CFAP300: variants seen among roughly 807,000 people sequenced by gnomAD.
The protein encoded by CFAP300 is cilia- and flagella-associated protein 300.
In CFAP300, 32 loss-of-function variants were observed where a neutral mutation model predicts 33.0. That is an observed-to-expected ratio of 0.97 (90% CI 0.73 to 1.30). The LOEUF (loss-of-function observed/expected upper bound fraction) is 1.30, where lower values mean the gene tolerates loss of function less well. Among genes scored for constraint, CFAP300 ranks in the 50% most tolerant of loss-of-function variants. The pLI is 0.00. For missense variants in CFAP300, 356 were observed against 318.1 expected, an observed-to-expected ratio of 1.12 and a Z score of -0.90; for synonymous variants, 102 against 106.8, an observed-to-expected ratio of 0.95 and a Z score of 0.28.
intron 4 of CFAP300, 85 bp from the exon 5 acceptor site, chr11:102,075,787 AT>A (rs1334942317): frequency 2.9e-5 from 31 of 1,062,956 alleles, no homozygotes; most frequent in Non-Finnish European, 4.2e-5. Flanking sequence ...GTGTAAGATT[AT>A]TTTTAAGTCT....
At position 102,058,879 on chromosome 11, in the gene CFAP300, G is replaced by T; in HGVS notation, c.193-1G>T. 1 of 1,553,554 alleles carries T rather than the reference G, an allele frequency of 6.4e-7. No homozygotes were observed. The highest frequency in any genetic ancestry group is 1.2e-5 in the South Asian group (1 of 81,026). On this transcript the variant is annotated splice_acceptor_variant, in intron 2 of 6. Transcript: ENST00000434758. LOFTEE classifies it high-confidence loss of function. ...TTATTCCCCTCAAATTTGTATTTTA[G>T]GCTTTTTTCAAAGACCCAAATGTTA...
intron 3 of CFAP300, among the ~76,000 whole-genome samples, chr11:102,063,434 A>G (rs1942180098): frequency 6.6e-6 from 1 of 152,176 alleles, no homozygotes; most frequent in South Asian, 2.1e-4. Context: ...GCTGGAGAGG[A>G]ATTTTGCCTT....
chr11:102,082,873 T>C (rs539522024), intron 6 of CFAP300, among the ~76,000 whole-genome samples, 198 bp from the exon 7 acceptor site: 35 of 152,230 alleles, frequency 2.3e-4, no homozygotes, highest in African/African-American at 7.9e-4. Context: ...GGCACATGCC[T>C]GTAATCCCAG....
chr11:102,052,198 G>T (rs916335173), intron 2 of CFAP300, among the ~76,000 whole-genome samples: 4 of 152,098 alleles, frequency 2.6e-5, no homozygotes, highest in African/African-American at 9.7e-5. Context: ...TTGACCTGCT[G>T]CTCCATTTAT....
In CFAP300 at chr11:102,047,441, G is replaced by T. The variant is rs781589555; in HGVS notation, c.-30G>T. On this transcript the variant is annotated 5_prime_UTR_variant, in exon 1 of 7. Coordinates refer to ENST00000434758, the MANE Select transcript of CFAP300 (RefSeq NM_032930.3). ...ACGGCCGCCGCGTCTCCATGGAAAC[G>T]GCCCAGGCATCCACCCAGCCGAGAG... 6.6e-7 allele frequency: 1 copy of T among 1,516,294 alleles called. No individual in the cohort carries two copies. The highest frequency in any genetic ancestry group is 1.7e-4 in the Middle Eastern group (1 of 5,852). The allele number at this position is 1,516,294 out of a possible 1,614,324, so 93.9% of individuals were successfully genotyped here.
intron 1 of CFAP300, 85 bp from the exon 2 acceptor site, chr11:102,047,730 C>T (rs570156663): frequency 6.6e-7 from 1 of 1,516,678 alleles, no homozygotes; most frequent in East Asian, 2.3e-5. Flanking sequence ...CCGGGAAGGG[C>T]GGATGCTGTG....
rs139014323 is a variant in CFAP300 at position 102,060,532 on chromosome 11, T to A, written c.268+1577T>A. 2.0e-5 allele frequency among the ~76,000 whole-genome samples: 3 copies of A among 152,110 alleles called. No homozygotes were observed. The South Asian group carries it at 6.2e-4, about 32-fold the overall frequency. ...GTAGCACTCACTTAAGTCCCTTCAA[T>A]AACTCTTGGGACAAGGAAGAAAGCA... On this transcript the variant is annotated intron_variant, in intron 3 of 6. Coordinates refer to ENST00000434758, the MANE Select transcript of CFAP300 (RefSeq NM_032930.3).
At chr11:102,051,863 A>G (rs1941977112) in intron 2 of CFAP300, among the ~76,000 whole-genome samples, 2 of 152,160 alleles carry the variant, frequency 1.3e-5, no homozygotes, top group African/African-American at 2.4e-5. Flanking sequence ...TTCACATTTT[A>G]TGAAACAAGT....
At chr11:102,082,763 C>A (rs1352626080) in intron 6 of CFAP300, among the ~76,000 whole-genome samples, 1 of 152,080 alleles carries the variant, frequency 6.6e-6, no homozygotes, top group Non-Finnish European at 1.5e-5. Context: ...TTTTGGGAGG[C>A]CGAGACAGGT....
At chr11:102,077,944 A>G (rs1489363964) in intron 5 of CFAP300, among the ~76,000 whole-genome samples, 6 of 151,952 alleles carry the variant, frequency 3.9e-5, no homozygotes, top group Admixed American at 3.9e-4. Context: ...AGGCTGAAGT[A>G]CAGTGGCACA....
At chr11:102,078,618 C>T (rs1268565667) in intron 5 of CFAP300, among the ~76,000 whole-genome samples, 1 of 152,140 alleles carries the variant, frequency 6.6e-6, no homozygotes, top group Non-Finnish European at 1.5e-5. Context: ...TCAGAGGCAA[C>T]AGAATAATAT....
chr11:102,081,675 G>A (rs1009441310), intron 6 of CFAP300, among the ~76,000 whole-genome samples: 1 of 151,996 alleles, frequency 6.6e-6, no homozygotes, highest in Non-Finnish European at 1.5e-5. Flanking sequence ...GGCAGATCAC[G>A]AGCTCAGGAG....
intron 5 of CFAP300, among the ~76,000 whole-genome samples, chr11:102,078,445 T>C (rs1942430358): frequency 6.6e-6 from 1 of 152,180 alleles, no homozygotes; most frequent in Non-Finnish European, 1.5e-5. Context: ...TATAATGCAA[T>C]TATTAGTAGA....
At chr11:102,083,023 A>G (rs747892363) in intron 6 of CFAP300, 48 bp from the exon 7 acceptor site, 17 of 1,000,784 alleles carry the variant, frequency 1.7e-5, no homozygotes, top group Middle Eastern at 3.9e-4. Flanking sequence ...AAATATATAA[A>G]TACATAAATA....
At chr11:102,049,419 G>A (rs550588953) in intron 2 of CFAP300, among the ~76,000 whole-genome samples, 16 of 152,168 alleles carry the variant, frequency 1.1e-4, no homozygotes, top group African/African-American at 3.9e-4. Flanking sequence ...CAGCAACAAC[G>A]CTAATTCCAA....
chr11:102,061,704 A>G (rs1942151786), intron 3 of CFAP300, among the ~76,000 whole-genome samples: 1 of 152,212 alleles, frequency 6.6e-6, no homozygotes, highest in Admixed American at 6.5e-5. Context: ...CGACTGAGTG[A>G]GCAGAGGATC....
At chr11:102,057,643 G>GGTTT (rs1196287576) in intron 2 of CFAP300, among the ~76,000 whole-genome samples, 1 of 152,200 alleles carries the variant, frequency 6.6e-6, no homozygotes, top group East Asian at 1.9e-4. Flanking sequence ...CTCCCAAAAT[G>GGTTT]CAAGGAACTC....
intron 6 of CFAP300, 61 bp from the exon 7 acceptor site, chr11:102,083,010 A>AATG (rs1399070276): frequency 1.1e-6 from 1 of 925,728 alleles, no homozygotes; most frequent in Non-Finnish European, 1.4e-6. Flanking sequence ...AAATAATAAT[A>AATG]ATAAATATAT....
At position 102,084,527 on chromosome 11, in the gene CFAP300, T is replaced by C. The variant is rs1465718997; in HGVS notation, c.*1328T>C. 3 of 152,248 alleles carry C rather than the reference T, an allele frequency of 2.0e-5. No homozygotes were observed. Among genetic ancestry groups the C allele is most frequent in the Non-Finnish European group, 4.4e-5 (3 of 68,048 alleles). The allele number at this position is 152,248 out of a possible 1,614,324, so 9.4% of individuals were successfully genotyped here. A position where few individuals can be genotyped will look rare whatever the true frequency, so the allele number is the denominator to read the frequency against. On this transcript the variant is annotated 3_prime_UTR_variant, in exon 7 of 7. Coordinates refer to ENST00000434758, the MANE Select transcript of CFAP300 (RefSeq NM_032930.3). ...TATCCTCATAATACCCATAGATTTT[T>C]TTAAATTACATAAAAACATAAAATC...
Sources: allele counts gnomAD v4.1 joint callset (sites outside exome capture counted in the v4.1 genomes callset), GRCh38; gene constraint gnomAD v4.1.1; transcripts MANE v1.5; gene names NCBI Gene and HGNC (gene_info 2026-07-23, HGNC 2026-07-21).